DIS3L2: variants seen among roughly 807,000 people sequenced by gnomAD.
The protein encoded by DIS3L2 is DIS3-like exonuclease 2.
In DIS3L2, 34 loss-of-function variants were observed where a neutral mutation model predicts 97.5. That is an observed-to-expected ratio of 0.35 (90% CI 0.27 to 0.46). The LOEUF is 0.46. DIS3L2 is among the 20% of genes least tolerant of loss of function. DIS3L2 has a pLI of 1.00. For missense variants in DIS3L2, 1,038 were observed against 1,146.0 expected, an observed-to-expected ratio of 0.91 and a Z score of 1.36; for synonymous variants, 435 against 445.2, an observed-to-expected ratio of 0.98 and a Z score of 0.29.
intron 6 of DIS3L2, among the ~76,000 whole-genome samples, chr2:232,092,168 A>G (rs1327438634): frequency 1.3e-5 from 2 of 152,136 alleles, no homozygotes; most frequent in Non-Finnish European, 2.9e-5. Flanking sequence ...TCCCCAGTGC[A>G]TGTTATTGGC....
chr2:232,215,850 C>T (rs772178277), intron 10 of DIS3L2, among the ~76,000 whole-genome samples: 8 of 152,154 alleles, frequency 5.3e-5, no homozygotes, highest in Admixed American at 6.5e-5. Flanking sequence ...TGGGAAGAAA[C>T]GGGACATGTG....
chr2:232,119,989 G>A (rs748772500), intron 6 of DIS3L2, among the ~76,000 whole-genome samples: 4 of 151,884 alleles, frequency 2.6e-5, no homozygotes, highest in East Asian at 1.9e-4. Context: ...TTCATCTTAC[G>A]CTCTAATATG....
intron 1 of DIS3L2, among the ~76,000 whole-genome samples, chr2:231,994,500 A>G (rs888221265): frequency 2.6e-5 from 4 of 152,156 alleles, no homozygotes; most frequent in African/African-American, 4.8e-5. Context: ...ATGGTCTACT[A>G]GTGTCAACAG....
intron 5 of DIS3L2, among the ~76,000 whole-genome samples, chr2:232,064,665 T>C (rs908307404): frequency 6.6e-6 from 1 of 152,174 alleles, no homozygotes; most frequent in African/African-American, 2.4e-5. Context: ...ATGAAAAATA[T>C]ATGAGAGATT....
intron 5 of DIS3L2, among the ~76,000 whole-genome samples, chr2:232,036,996 G>GATT (rs1242839016): frequency 1.3e-5 from 2 of 152,228 alleles, no homozygotes; most frequent in Non-Finnish European, 2.9e-5. Flanking sequence ...AGGAGGCACA[G>GATT]GGGTCAGGGA....
intron 1 of DIS3L2, among the ~76,000 whole-genome samples, chr2:232,004,235 G>A (rs911159701): frequency 1.3e-5 from 2 of 151,970 alleles, no homozygotes; most frequent in African/African-American, 2.4e-5. Context: ...ACCACATCCC[G>A]CTAATTTTTG....
intron 13 of DIS3L2, among the ~76,000 whole-genome samples, chr2:232,289,909 G>A (rs1217075965): frequency 1.3e-5 from 2 of 152,200 alleles, no homozygotes; most frequent in East Asian, 1.9e-4. Context: ...CAGATAGATA[G>A]GTAACAGAAT....
chr2:232,049,598 C>T (rs1001747197), intron 5 of DIS3L2, among the ~76,000 whole-genome samples: 2 of 152,130 alleles, frequency 1.3e-5, no homozygotes, highest in African/African-American at 4.8e-5. Context: ...TTCCGAGCCT[C>T]CAGAACTGGG....
intron 9 of DIS3L2, among the ~76,000 whole-genome samples, chr2:232,170,135 A>G (rs977103281): frequency 2.0e-5 from 3 of 152,150 alleles, no homozygotes; most frequent in African/African-American, 7.2e-5. Flanking sequence ...CAGAAATTTG[A>G]GGATCAGGAA....
chr2:232,168,208 C>G (rs149436477), intron 9 of DIS3L2, among the ~76,000 whole-genome samples: 1 of 151,984 alleles, frequency 6.6e-6, no homozygotes, highest in African/African-American at 2.4e-5. Flanking sequence ...CTTTAAAATT[C>G]GAGTATGTTA....
In DIS3L2 at chr2:232,086,343, ATATATGTATATATATGTG is replaced by A. The variant is rs1696595581; in HGVS notation, c.367-1132_367-1115del. Among the ~76,000 whole-genome samples, 3 of 130,260 alleles carry A rather than the reference ATATATGTATATATATGTG, an allele frequency of 2.3e-5. No individual in the cohort carries two copies. In the South Asian group the frequency reaches 6.9e-4, roughly 30 times the overall value. The allele number at this position is 130,260 out of a possible 152,430, so 85.5% of individuals were successfully genotyped here. ...TATGCATATGCATATGTATATATAC[ATATATGTATATATATGTG>A]TATATGTATATGTATATGTATATGT... On this transcript the variant is annotated intron_variant, in intron 5 of 20. Coordinates refer to ENST00000325385, the MANE Select transcript of DIS3L2 (RefSeq NM_152383.5).
chr2:232,037,349 G>T lies in DIS3L2; in HGVS notation c.366+7269G>T, dbSNP rs141990681. Among the ~76,000 whole-genome samples the T allele has an allele frequency of 3.3e-5, 5 of 152,142 alleles. No individual in the cohort carries two copies. The highest frequency in any genetic ancestry group is 2.9e-5 in the Non-Finnish European group (2 of 68,020). On this transcript the variant is annotated intron_variant, in intron 5 of 20. Transcript: ENST00000325385. This position sits in a 1 kb window ranked among gnomAD's most constrained non-coding sequence, Gnocchi z 4.6. ...TTGTTTACACTGTGAGGGGAAAACC[G>T]CCTACTTAAGCCTCCGTAATGGCAG...
intron 1 of DIS3L2, among the ~76,000 whole-genome samples, chr2:231,984,239 A>G (rs1693345647): frequency 6.6e-6 from 1 of 151,778 alleles, no homozygotes; most frequent in Non-Finnish European, 1.5e-5. Flanking sequence ...ATGTTATTTT[A>G]TGTTGCTAAT....
Position 232,303,663 on chromosome 2 carries a change from GGAATGGCCCGGA to G in DIS3L2, c.1739+3545_1739+3556del, listed in dbSNP as rs150313180. Among the ~76,000 whole-genome samples, 612 of 152,286 alleles carry G rather than the reference GGAATGGCCCGGA, an allele frequency of 4.0e-3. 4 individuals are homozygous for G. Among genetic ancestry groups the G allele is most frequent in the African/African-American group, 0.014 (575 of 41,542 alleles). On this transcript the variant is annotated intron_variant, in intron 14 of 20. Transcript: ENST00000325385. ...TCCCAAATAGTCTTTCCTTTCAAATGGAATGGCCCGGAAAATGGGCACTCCATTTTTATATTT... is the reference window on the plus strand; with the variant it reads ...TCCCAAATAGTCTTTCCTTTCAAATGAAATGGGCACTCCATTTTTATATTT...
chr2:232,108,093 A>T (rs915978501), intron 6 of DIS3L2, among the ~76,000 whole-genome samples: 1 of 152,218 alleles, frequency 6.6e-6, no homozygotes, highest in Non-Finnish European at 1.5e-5. Flanking sequence ...AGAAAACTTC[A>T]GGCCAGTATC....
intron 10 of DIS3L2, among the ~76,000 whole-genome samples, chr2:232,215,766 A>G (rs2106224666): frequency 6.6e-6 from 1 of 152,258 alleles, no homozygotes; most frequent in Non-Finnish European, 1.5e-5. Context: ...TTGGCTAGAA[A>G]ACCTGAGGGA....
At position 231,983,905 on chromosome 2, in the gene DIS3L2, A is replaced by G. The variant is rs574816008; in HGVS notation, c.-94+22140A>G. On this transcript the variant is annotated intron_variant, in intron 1 of 20. Transcript: ENST00000325385. ...CTCATCTTAAAAAAAAAAAAAAAAG[A>G]AAAGAATTAAATGTAGTATAAGTGG... 3.3e-5 allele frequency among the ~76,000 whole-genome samples: 5 copies of G among 151,442 alleles called. No individual in the cohort carries two copies. In the South Asian group the frequency reaches 8.4e-4, roughly 25 times the overall value.
intron 13 of DIS3L2, among the ~76,000 whole-genome samples, chr2:232,272,665 A>G (rs1231123248): frequency 6.6e-6 from 1 of 152,206 alleles, no homozygotes; most frequent in Non-Finnish European, 1.5e-5. Context: ...TTAGAAGGCA[A>G]TCTAACAGAA....
At chr2:232,243,185 A>G (rs1693152084) in intron 11 of DIS3L2, among the ~76,000 whole-genome samples, 1 of 152,244 alleles carries the variant, frequency 6.6e-6, no homozygotes, top group Non-Finnish European at 1.5e-5. Context: ...AGTGTTTCAC[A>G]TTTTGAGTAG....
Sources: gnomAD v4.1 joint callset for allele counts (sites outside exome capture counted in the v4.1 genomes callset) on GRCh38, gnomAD v4.1.1 for gene constraint, Gnocchi (gnomAD v3.1) non-coding constraint, MANE v1.5 for transcripts, NCBI Gene and HGNC (gene_info 2026-07-23, HGNC 2026-07-21) for gene names.